PCM1: variants seen among roughly 807,000 people sequenced by gnomAD.
PCM1 encodes pericentriolar material 1 protein.
PCM1 carries 157 observed loss-of-function variants against 241.9 expected under a neutral mutation model. The ratio of observed to expected loss-of-function variants is 0.65; its 90% CI spans 0.57 to 0.74. PCM1 has a LOEUF of 0.74. PCM1 is among the 30% of genes least tolerant of loss of function. The probability of loss-of-function intolerance (pLI) is 0.00; values close to 1 mark genes in which losing one functional copy is unlikely to be tolerated. For synonymous variants in PCM1, 1,085 were observed against 784.9 expected, an observed-to-expected ratio of 1.38 and a Z score of -6.39; for missense variants, 3,478 against 2,360.1, an observed-to-expected ratio of 1.47 and a Z score of -9.81.
intron 36 of PCM1, among the ~76,000 whole-genome samples, chr8:18,016,939 C>G (rs548195274): frequency 2.6e-5 from 4 of 152,148 alleles, no homozygotes; most frequent in Admixed American, 2.6e-4. Context: ...TTCCAAATCC[C>G]AAGGAAAATC....
chr8:17,939,739 TC>T lies in PCM1; in HGVS notation c.663del (p.Met222CysfsTer6). 6.4e-7 allele frequency: 1 copy of T among 1,560,380 alleles called. No homozygotes were observed. The highest frequency in any genetic ancestry group is 8.7e-7 in the Non-Finnish European group (1 of 1,149,532). Reference sequence around the variant, plus strand: ...TCGCGATTATATTACTAAAGCTAGTTCCATGCGGGAAGATCTTGTAGAGAAA... The same window carrying T: ...TCGCGATTATATTACTAAAGCTAGTTCATGCGGGAAGATCTTGTAGAGAAA... Reference protein sequence around the residue: ...QIRDYITKASSMREDLVEKNE... With the variant: ...QIRDYITKASXMREDLVEKNE... On this transcript the variant is annotated frameshift_variant, in exon 6 of 39. Coordinates refer to ENST00000325083, the MANE Select transcript of PCM1 (RefSeq NM_006197.4). LOFTEE classifies it high-confidence loss of function.
intron 21 of PCM1, 33 bp downstream of exon 21, chr8:17,967,203 A>C (rs774633443): frequency 1.4e-6 from 2 of 1,477,132 alleles, no homozygotes; most frequent in Non-Finnish European, 1.8e-6. Context: ...AAAATAAATA[A>C]AAGCAAAGTG....
intron 36 of PCM1, among the ~76,000 whole-genome samples, chr8:18,016,392 T>G (rs1320398591): frequency 2.0e-5 from 3 of 151,976 alleles, no homozygotes; most frequent in Non-Finnish European, 4.4e-5. Flanking sequence ...AACTATGCCT[T>G]TAACTATGCC....
intron 24 of PCM1, chr8:17,983,265 A>G: frequency 1.5e-6 from 2 of 1,325,500 alleles, no homozygotes; most frequent in Non-Finnish European, 9.9e-7. Context: ...GCAGTCTAAC[A>G]GAAATGCATG....
intron 36 of PCM1, chr8:18,015,610 C>A (rs1292987753): frequency 6.6e-6 from 1 of 152,156 alleles, no homozygotes; most frequent in Non-Finnish European, 1.5e-5. Context: ...GATATTTTGT[C>A]AGTGGAACAC....
rs188959959 is a variant in PCM1, at chr8:17,958,254, C to G, written c.2040+479C>G. 1.1e-4 allele frequency among the ~76,000 whole-genome samples: 16 copies of G among 152,156 alleles called. No individual in the cohort carries two copies. The East Asian group carries it at 3.1e-3, about 29-fold the overall frequency. ...GCCGAAGTTTATATGACTGTCCAAT[C>G]CAGAATTCAGACTTCCTGATACCAG... On this transcript the variant is annotated intron_variant, in intron 13 of 38. Coordinates refer to ENST00000325083, the MANE Select transcript of PCM1 (RefSeq NM_006197.4).
chr8:17,953,845 G>A (rs970677060), intron 9 of PCM1, among the ~76,000 whole-genome samples: 1 of 152,068 alleles, frequency 6.6e-6, no homozygotes, highest in Admixed American at 6.6e-5. Flanking sequence ...AGTAATAGAG[G>A]CTCAAGCATT....
intron 6 of PCM1, among the ~76,000 whole-genome samples, chr8:17,946,148 T>G (rs2063693832): frequency 6.6e-6 from 1 of 152,182 alleles, no homozygotes; most frequent in South Asian, 2.1e-4. Context: ...TTCATCATTT[T>G]TTGTAAGTGC....
intron 23 of PCM1, among the ~76,000 whole-genome samples, chr8:17,979,555 G>T (rs929744741): frequency 7.2e-5 from 11 of 152,246 alleles, no homozygotes; most frequent in Admixed American, 2.0e-4. Context: ...GTGTTTGAGT[G>T]GGGGGTATGA....
At chr8:18,006,114 A>T (rs1043591960) in intron 29 of PCM1, 149 bp from the exon 30 acceptor site, 2 of 671,526 alleles carry the variant, frequency 3.0e-6, no homozygotes, top group Admixed American at 3.2e-5. Context: ...GGCTTTTCTT[A>T]TGAATGGATA....
At chr8:18,005,207 A>G (rs189312192) in intron 29 of PCM1, among the ~76,000 whole-genome samples, 1 of 152,112 alleles carries the variant, frequency 6.6e-6, no homozygotes. Context: ...CCTGTGAGCC[A>G]CTGTATTTTG....
rs78131993 is a variant in PCM1, at chr8:17,955,628, C to A, written c.1447C>A (p.His483Asn). The change falls in exon 10 of 39, where the codon CAC (histidine) becomes AAC (asparagine). Residue 483 changes from histidine to asparagine, a missense_variant. His to Asn is a moderately conservative substitution (Grantham distance 68). Transcript: ENST00000325083. ...VSQNESENEG[H>N]LNPSEKLQKL... Reference sequence around the variant, plus strand: ...TCAGAATGAGAGTGAAAACGAAGGCCACCTCAATCCATCTGAAAAACTCCA... The same window carrying A: ...TCAGAATGAGAGTGAAAACGAAGGCAACCTCAATCCATCTGAAAAACTCCA... 1 of 1,613,044 alleles carries A rather than the reference C, an allele frequency of 6.2e-7. No individual in the cohort carries two copies. The highest frequency in any genetic ancestry group is 8.5e-7 in the Non-Finnish European group (1 of 1,179,108).
rs372994697 is a variant in PCM1 at position 17,963,230 on chromosome 8, G to T, written c.2593G>T (p.Val865Leu). ...AGCTGAAACTGCATCTCCAGTGGCTGTGTCATTGAGAAGTGATGGATCTGA... is the reference window on the plus strand; with the variant it reads ...AGCTGAAACTGCATCTCCAGTGGCTTTGTCATTGAGAAGTGATGGATCTGA... ...GLAETASPVA[V>L]SLRSDGSENL... The change falls in exon 17 of 39, where the codon GTG becomes TTG. Residue 865 changes from valine to leucine, a missense_variant. Physicochemically the swap from Val to Leu is conservative, Grantham distance 32 (BLOSUM62 1). Transcript: ENST00000325083. 4 of 1,613,578 alleles carry T rather than the reference G, an allele frequency of 2.5e-6. No homozygotes were observed. Among genetic ancestry groups the T allele is most frequent in the Non-Finnish European group, 3.4e-6 (4 of 1,179,716 alleles).
intron 29 of PCM1, among the ~76,000 whole-genome samples, chr8:17,994,293 T>TC (rs2085809728): frequency 1.3e-5 from 2 of 152,348 alleles, no homozygotes; most frequent in Non-Finnish European, 2.9e-5. Flanking sequence ...AGTTTGTCTT[T>TC]CTGTGCCTGG....
Position 18,014,034 on chromosome 8 carries a change from A to G in PCM1, c.5582A>G (p.Lys1861Arg), listed in dbSNP as rs1346245777. The G allele has an allele frequency of 1.3e-6, 2 of 1,562,316 alleles. No individual in the cohort carries two copies. The highest frequency in any genetic ancestry group is 2.7e-5 in the African/African-American group (2 of 73,046). Residue 1861 changes from lysine (K) to arginine (R), a missense_variant and splice_region_variant, in exon 35 of 39, where the codon AAA (lysine) becomes AGA (arginine). Physicochemically the swap from Lys to Arg is conservative, Grantham distance 26. Transcript: ENST00000325083. ...NVPLEREATS[K>R]NDQNNCPVKP... ...CCATTGGAACGAGAAGCCACTAGTA[A>G]AAGTAAGAAATCTAAATAAGTCTTT...
intron 7 of PCM1, among the ~76,000 whole-genome samples, chr8:17,949,834 G>C (rs1274883055): frequency 6.6e-6 from 1 of 152,076 alleles, no homozygotes; most frequent in African/African-American, 2.4e-5. Context: ...TTAGAAGTCA[G>C]GTTAAGGATG....
At chr8:18,006,700 G>T (rs922877754) in intron 30 of PCM1, among the ~76,000 whole-genome samples, 19 of 152,292 alleles carry the variant, frequency 1.2e-4, no homozygotes, top group African/African-American at 4.6e-4. Flanking sequence ...TGTTTACAAA[G>T]TATTCTGTGG....
intron 27 of PCM1, among the ~76,000 whole-genome samples, 189 bp from the exon 28 acceptor site, chr8:17,991,353 A>G (rs2084562514): frequency 6.6e-6 from 1 of 152,194 alleles, no homozygotes; most frequent in Non-Finnish European, 1.5e-5. Flanking sequence ...CATCTACTAT[A>G]TAGGATTATT....
At chr8:17,952,649 G>C (rs2066520135) in intron 8 of PCM1, among the ~76,000 whole-genome samples, 2 of 152,178 alleles carry the variant, frequency 1.3e-5, no homozygotes, top group African/African-American at 4.8e-5. Flanking sequence ...CTGATCTGAA[G>C]TATATAGGAG....
Sources: gnomAD v4.1 joint callset for allele counts (sites outside exome capture counted in the v4.1 genomes callset) on GRCh38, gnomAD v4.1.1 for gene constraint, MANE v1.5 for transcripts, NCBI Gene and HGNC (gene_info 2026-07-23, HGNC 2026-07-21) for gene names.